The following CUX2 variants were observed in gnomAD, a reference collection of about 807,000 sequenced individuals.
CUX2 encodes homeobox protein cut-like 2.
In CUX2, 40 loss-of-function variants were observed where a neutral mutation model predicts 144.8. The observed-to-expected ratio is 0.28, with a 90% CI of 0.21 to 0.36. The LOEUF (loss-of-function observed/expected upper bound fraction) is 0.36, where lower values mean the gene tolerates loss of function less well. Ranked by LOEUF, CUX2 falls within the 10% of genes least tolerant of loss-of-function variation. The pLI is 1.00. For synonymous variants in CUX2, 827 were observed against 875.6 expected (o/e 0.94, Z 0.98); for missense variants, 1,615 against 1,994.0 (o/e 0.81, Z 3.62).
chr12:111,111,572 G>A (rs2136082592), intron 1 of CUX2, among the ~76,000 whole-genome samples: 1 of 152,308 alleles, frequency 6.6e-6, no homozygotes, highest in Admixed American at 6.5e-5. Flanking sequence ...CTTTGGCAGT[G>A]ATCTCAACTG....
intron 18 of CUX2, among the ~76,000 whole-genome samples, chr12:111,325,245 G>C (rs1458953531): frequency 1.3e-5 from 2 of 151,554 alleles, no homozygotes; most frequent in Non-Finnish European, 2.9e-5. Context: ...AATGAGCCGA[G>C]ATCCTGTCAC....
At chr12:111,318,451 C>T (rs1303047779) in intron 16 of CUX2, among the ~76,000 whole-genome samples, 2 of 151,188 alleles carry the variant, frequency 1.3e-5, no homozygotes, top group Non-Finnish European at 1.5e-5. Flanking sequence ...CACGGTAGCT[C>T]ATACCTGTAG....
intron 1 of CUX2, among the ~76,000 whole-genome samples, chr12:111,181,158 G>A (rs563895479): frequency 1.1e-3 from 168 of 152,374 alleles, no homozygotes; most frequent in Non-Finnish European, 4.0e-4. Context: ...CGCCTTTGGG[G>A]TGGTCTGTCA....
At chr12:111,080,553 C>T (rs1220000918) in intron 1 of CUX2, among the ~76,000 whole-genome samples, 2 of 151,932 alleles carry the variant, frequency 1.3e-5, no homozygotes, top group Non-Finnish European at 2.9e-5. Context: ...GTGCTATGCA[C>T]TCATAGTCCT....
At chr12:111,300,225 A>G (rs964997388) in intron 9 of CUX2, among the ~76,000 whole-genome samples, 1 of 152,156 alleles carries the variant, frequency 6.6e-6, no homozygotes, top group African/African-American at 2.4e-5. Context: ...GGCTCAAGCA[A>G]TCCTCCTGCC....
chr12:111,204,759 T>G (rs1481516599), intron 1 of CUX2, among the ~76,000 whole-genome samples: 4 of 152,286 alleles, frequency 2.6e-5, no homozygotes, highest in Middle Eastern at 3.4e-3. Context: ...AAATGAACTT[T>G]TGTAGTGCTG....
Position 111,334,442 on chromosome 12 carries a change from C to G in CUX2, c.2928C>G (p.Ala976=), listed in dbSNP as rs758624638. ...CTTCTCTTTCTCTGTGGCCCACAGC[C>G]AGTCCCACAGAACCAAGGTCCTCAC... ...AVGQQPGASQ[A]SPTEPRSSPS... is the part of the protein sequence containing the mutation. The change falls in exon 19 of 22, where the codon GCC becomes GCG. Residue 976 remains alanine (A), a splice_region_variant and synonymous_variant. Coordinates refer to ENST00000261726, the MANE Select transcript of CUX2 (RefSeq NM_015267.4). 3 of 1,585,014 alleles carry G rather than the reference C, an allele frequency of 1.9e-6. No homozygotes were observed. The African/African-American group carries it at 4.1e-5, about 22-fold the overall frequency.
At chr12:111,100,753 G>A (rs1424130584) in intron 1 of CUX2, among the ~76,000 whole-genome samples, 2 of 152,198 alleles carry the variant, frequency 1.3e-5, no homozygotes, top group Non-Finnish European at 2.9e-5. Context: ...TGCACAGGAG[G>A]GTGTGAGCAG....
chr12:111,076,448 G>A (rs948483160), intron 1 of CUX2, among the ~76,000 whole-genome samples: 11 of 152,242 alleles, frequency 7.2e-5, no homozygotes, highest in Non-Finnish European at 1.5e-4. Flanking sequence ...CTGAGGCTGG[G>A]AGACTCACTT....
In CUX2 at chr12:111,330,714, T is replaced by TATATATATATATACATATAC. The variant is rs1888065925; in HGVS notation, c.2927-3714_2927-3713insCATATACATATATATATATA. On this transcript the variant is annotated intron_variant, in intron 18 of 21. Coordinates refer to ENST00000261726, the MANE Select transcript of CUX2 (RefSeq NM_015267.4). ...ATATATATATATATATATATATATA[T>TATATATATATATACATATAC]ATATATATATATATATATATATATA... Among the ~76,000 whole-genome samples the TATATATATATATACATATAC allele has an allele frequency of 5.2e-4, 19 of 36,454 alleles. 1 individual carries two copies. Among genetic ancestry groups the TATATATATATATACATATAC allele is most frequent in the African/African-American group, 1.4e-3 (9 of 6,236 alleles). 23.9% of individuals were successfully genotyped at this position (36,454 alleles called of 152,430 possible).
chr12:111,325,128 C>CAA (rs59188687), intron 18 of CUX2, among the ~76,000 whole-genome samples: 1 of 117,084 alleles, frequency 8.5e-6, no homozygotes, highest in Non-Finnish European at 1.8e-5. Context: ...ACTAAAATTA[C>CAA]AAAAAAAAAA....
chr12:111,145,299 A>T (rs947537165), intron 1 of CUX2, among the ~76,000 whole-genome samples: 1 of 152,066 alleles, frequency 6.6e-6, no homozygotes, highest in South Asian at 2.1e-4. Context: ...TCTGAGGTTC[A>T]CTCCTATGAG....
chr12:111,272,434 A>G (rs1222592914), intron 4 of CUX2, among the ~76,000 whole-genome samples: 5 of 152,060 alleles, frequency 3.3e-5, no homozygotes, highest in Admixed American at 1.3e-4. Flanking sequence ...AACAATGTCA[A>G]TTTTCCTGAA....
chr12:111,174,348 C>T (rs1355159059), intron 1 of CUX2, among the ~76,000 whole-genome samples: 1 of 152,188 alleles, frequency 6.6e-6, no homozygotes, highest in Non-Finnish European at 1.5e-5. Flanking sequence ...CACGCTCCTG[C>T]TTTCCAGGAA....
intron 1 of CUX2, among the ~76,000 whole-genome samples, chr12:111,073,783 G>C (rs1871367383): frequency 1.3e-5 from 2 of 152,008 alleles, no homozygotes; most frequent in African/African-American, 4.8e-5. Context: ...AACACAGGGA[G>C]ACCCTGTCTC....
chr12:111,084,674 T>A (rs1329814045), intron 1 of CUX2, among the ~76,000 whole-genome samples: 1 of 152,232 alleles, frequency 6.6e-6, no homozygotes. Context: ...TTTTAAGGAC[T>A]CACAGCGATG....
intron 1 of CUX2, among the ~76,000 whole-genome samples, chr12:111,132,093 C>T (rs1875523524): frequency 6.6e-6 from 1 of 152,242 alleles, no homozygotes; most frequent in Admixed American, 6.5e-5. Flanking sequence ...GTCATCCAGG[C>T]ATTTCCATAC....
At chr12:111,170,080 C>T (rs1878422720) in intron 1 of CUX2, among the ~76,000 whole-genome samples, 1 of 152,192 alleles carries the variant, frequency 6.6e-6, no homozygotes, top group Admixed American at 6.5e-5. Context: ...ACAGTAACAG[C>T]CCCTATGCAG....
At chr12:111,130,054 C>G (rs191661430) in intron 1 of CUX2, among the ~76,000 whole-genome samples, 26 of 152,276 alleles carry the variant, frequency 1.7e-4, no homozygotes, top group Middle Eastern at 3.4e-3. Context: ...ACTGAATGTT[C>G]TGATTACTTC....
Sources: gnomAD v4.1 joint callset for allele counts (sites outside exome capture counted in the v4.1 genomes callset) on GRCh38, gnomAD v4.1.1 for gene constraint, MANE v1.5 for transcripts, NCBI Gene and HGNC (gene_info 2026-07-23, HGNC 2026-07-21) for gene names.